STX17: variants seen among roughly 807,000 people sequenced by gnomAD.
STX17 encodes syntaxin-17.
STX17 carries 29 observed loss-of-function variants against 35.9 expected under a neutral mutation model. That is an observed-to-expected ratio of 0.81 (90% CI 0.60 to 1.10). The LOEUF (loss-of-function observed/expected upper bound fraction) is 1.10. STX17 is among the 50% of genes least tolerant of loss of function. The pLI, the probability that STX17 is intolerant of heterozygous loss-of-function variation, is 0.00. For missense variants in STX17, 312 were observed against 352.3 expected (o/e 0.89, Z 0.92); for synonymous variants, 92 against 118.3 (o/e 0.78, Z 1.44).
intron 3 of STX17, among the ~76,000 whole-genome samples, chr9:99,931,078 TC>T (rs994682327): frequency 6.6e-6 from 1 of 152,176 alleles, no homozygotes; most frequent in Non-Finnish European, 1.5e-5. Flanking sequence ...CCTCCCGGTT[TC>T]AAGCGATTCT....
chr9:99,909,210 CACTT>C (rs923580288), intron 1 of STX17, among the ~76,000 whole-genome samples: 56 of 152,306 alleles, frequency 3.7e-4, no homozygotes, highest in African/African-American at 1.2e-3. Context: ...TTTTCTTCCT[CACTT>C]CTTTCAGTGT....
chr9:99,927,447 A>G (rs932910646), intron 2 of STX17, among the ~76,000 whole-genome samples: 1 of 152,074 alleles, frequency 6.6e-6, no homozygotes, highest in Non-Finnish European at 1.5e-5. Flanking sequence ...CATTTTCAAT[A>G]TGGTCTAATT....
At chr9:99,937,381 C>T (rs1002386488) in intron 3 of STX17, among the ~76,000 whole-genome samples, 2 of 152,188 alleles carry the variant, frequency 1.3e-5, no homozygotes, top group African/African-American at 4.8e-5. Context: ...GCTCCAATTA[C>T]ACATATGTTA....
intron 6 of STX17, among the ~76,000 whole-genome samples, chr9:99,962,024 A>G (rs951056724): frequency 5.3e-5 from 8 of 152,142 alleles, no homozygotes; most frequent in Admixed American, 4.6e-4. Context: ...AAGTCTTTCA[A>G]GGTTTTGAAA....
At chr9:99,967,532 C>A in intron 6 of STX17, 121 bp from the exon 7 acceptor site, 3 of 548,462 alleles carry the variant, frequency 5.5e-6, no homozygotes, top group Non-Finnish European at 6.2e-6. Context: ...TATTAATGAA[C>A]CACTATTAAG....
intron 2 of STX17, among the ~76,000 whole-genome samples, chr9:99,925,769 G>A (rs1332298212): frequency 6.6e-6 from 1 of 151,614 alleles, no homozygotes; most frequent in Non-Finnish European, 1.5e-5. Flanking sequence ...TTTTCTTCCC[G>A]TTTTTAAGAT....
chr9:99,935,557 G>A (rs1587923668), intron 3 of STX17, among the ~76,000 whole-genome samples: 1 of 152,266 alleles, frequency 6.6e-6, no homozygotes, highest in East Asian at 1.9e-4. Flanking sequence ...CATTTGCTGT[G>A]TTCTAGATAC....
intron 4 of STX17, 58 bp downstream of exon 4, chr9:99,951,343 A>C (rs1198258535): frequency 2.7e-5 from 41 of 1,494,564 alleles, no homozygotes; most frequent in Non-Finnish European, 3.3e-5. Flanking sequence ...ATTAAAGATC[A>C]CCTCCTTGAG....
intron 6 of STX17, chr9:99,967,279 G>A: frequency 5.9e-6 from 1 of 170,180 alleles, no homozygotes; most frequent in Non-Finnish European, 1.3e-5. Flanking sequence ...GGTATTTTGG[G>A]GTTTGATTTT....
chr9:99,922,105 G>A (rs1230624098), intron 2 of STX17, among the ~76,000 whole-genome samples: 1 of 152,110 alleles, frequency 6.6e-6, no homozygotes, highest in Non-Finnish European at 1.5e-5. Context: ...TCCCCAGTCA[G>A]ATATAAACAC....
chr9:99,945,169 T>C (rs917032684), intron 3 of STX17, among the ~76,000 whole-genome samples: 1 of 152,220 alleles, frequency 6.6e-6, no homozygotes, highest in Non-Finnish European at 1.5e-5. Context: ...TAACATCCTT[T>C]TGTCCATTTG....
chr9:99,946,608 C>A (rs1025289658), intron 3 of STX17, among the ~76,000 whole-genome samples: 3 of 152,028 alleles, frequency 2.0e-5, no homozygotes, highest in African/African-American at 7.2e-5. Context: ...AACTTTTTAT[C>A]TGGGATTAAT....
intron 1 of STX17, among the ~76,000 whole-genome samples, chr9:99,909,687 T>C (rs1828621288): frequency 6.6e-6 from 1 of 152,094 alleles, no homozygotes; most frequent in Admixed American, 6.5e-5. Context: ...AAAATAGTGA[T>C]AGAGGATGAA....
intron 3 of STX17, among the ~76,000 whole-genome samples, chr9:99,938,508 G>A (rs1411357081): frequency 1.3e-5 from 2 of 152,210 alleles, no homozygotes; most frequent in Non-Finnish European, 2.9e-5. Context: ...ATAAAGGCCA[G>A]GCGCAGTGGC....
At chr9:99,936,615 C>G (rs1468673561) in intron 3 of STX17, among the ~76,000 whole-genome samples, 2 of 151,672 alleles carry the variant, frequency 1.3e-5, no homozygotes, top group Non-Finnish European at 2.9e-5. Flanking sequence ...TTTAGTGGTT[C>G]CTTTAGGGTC....
intron 6 of STX17, among the ~76,000 whole-genome samples, chr9:99,961,484 C>G (rs140837552): frequency 9.2e-5 from 14 of 152,308 alleles, no homozygotes; most frequent in African/African-American, 3.1e-4. Flanking sequence ...TTAGGAAGCA[C>G]AAAGTCAATT....
Position 99,968,437 on chromosome 9 carries a change from G to A in STX17, c.673G>A (p.Ala225Thr), listed in dbSNP as rs200043354. The change falls in exon 8 of 8, where the codon GCA becomes ACA. Residue 225 changes from alanine (A) to threonine (T), a missense_variant. Ala to Thr is a moderately conservative substitution (Grantham distance 58). Coordinates refer to ENST00000259400, the MANE Select transcript of STX17 (RefSeq NM_017919.3). The stretch of plus-strand genomic sequence containing the variant: ...TGAATTTTTTTTTTTTTTACAGGCT[G>A]CAAAATACAAGCTGGCAGCTCTGCC... ...EEGTKNLGKA[A>T]KYKLAALPVA... 3.5e-5 allele frequency: 53 copies of A among 1,525,106 alleles called. No homozygotes were observed. The highest frequency in any genetic ancestry group is 4.7e-5 in the Non-Finnish European group (53 of 1,139,168). The allele number at this position is 1,525,106 out of a possible 1,614,324, so 94.5% of individuals were successfully genotyped here. A position where few individuals can be genotyped will look rare whatever the true frequency, so the allele number is the denominator to read the frequency against.
intron 3 of STX17, among the ~76,000 whole-genome samples, chr9:99,946,105 A>T: frequency 6.6e-6 from 1 of 152,134 alleles, no homozygotes; most frequent in East Asian, 1.9e-4. Flanking sequence ...AAAAACAAAA[A>T]CAAAAAGAAT....
chr9:99,941,260 T>C (rs985954620), intron 3 of STX17, among the ~76,000 whole-genome samples: 75 of 152,306 alleles, frequency 4.9e-4, no homozygotes, highest in African/African-American at 1.6e-3. Flanking sequence ...TGAGGATATA[T>C]GACAAAGAAA....
Sources: allele counts gnomAD v4.1 joint callset (sites outside exome capture counted in the v4.1 genomes callset), GRCh38; gene constraint gnomAD v4.1.1; transcripts MANE v1.5; gene names NCBI Gene and HGNC (gene_info 2026-07-23, HGNC 2026-07-21).